The following GALNTL6 variants were observed in gnomAD, a reference collection of about 807,000 sequenced individuals.
GALNTL6 encodes polypeptide N-acetylgalactosaminyltransferase-like 6.
GALNTL6 carries 46 observed loss-of-function variants against 73.7 expected under a neutral mutation model. That is an observed-to-expected ratio of 0.62 (90% CI 0.49 to 0.80). The LOEUF is 0.80. GALNTL6 is among the 30% of genes least tolerant of loss of function. The pLI, the probability that GALNTL6 is intolerant of heterozygous loss-of-function variation, is 0.00. For synonymous variants in GALNTL6, 259 were observed against 263.7 expected (o/e 0.98, Z 0.17); for missense variants, 604 against 755.0 (o/e 0.80, Z 2.34).
Position 172,913,586 on chromosome 4 carries a change from G to A in GALNTL6, c.1042-17575G>A, listed in dbSNP as rs189721362. On this transcript the variant is annotated intron_variant, in intron 8 of 12. Coordinates refer to ENST00000506823, the MANE Select transcript of GALNTL6 (RefSeq NM_001034845.3). Reference sequence around the variant, plus strand: ...CTGAAAACCATGGCACGAGAACTACGTGACGCATGCACAAGCTTCAGTAGC... The same window carrying A: ...CTGAAAACCATGGCACGAGAACTACATGACGCATGCACAAGCTTCAGTAGC... Among the ~76,000 whole-genome samples the A allele has an allele frequency of 6.8e-3, 1,033 of 152,224 alleles. 3 individuals carry two copies. Among genetic ancestry groups the A allele is most frequent in the Non-Finnish European group, 0.011 (766 of 68,014 alleles).
At chr4:172,880,316 C>T (rs914562838) in intron 7 of GALNTL6, among the ~76,000 whole-genome samples, 4 of 152,010 alleles carry the variant, frequency 2.6e-5, no homozygotes, top group African/African-American at 9.7e-5. Context: ...GAATACTACT[C>T]TGCAATTTAA....
chr4:172,252,674 G>A (rs1737922413), intron 3 of GALNTL6, among the ~76,000 whole-genome samples: 1 of 152,080 alleles, frequency 6.6e-6, no homozygotes, highest in African/African-American at 2.4e-5. Flanking sequence ...TATCATGGAT[G>A]GAGAGCTTTT....
chr4:172,967,516 A>G (rs1329035815), intron 10 of GALNTL6, among the ~76,000 whole-genome samples: 1 of 152,084 alleles, frequency 6.6e-6, no homozygotes, highest in Non-Finnish European at 1.5e-5. Flanking sequence ...AGAATTGCAT[A>G]CAAATTTGTA....
chr4:172,050,810 G>C (rs917994634), intron 2 of GALNTL6, among the ~76,000 whole-genome samples: 4 of 152,100 alleles, frequency 2.6e-5, no homozygotes, highest in African/African-American at 4.8e-5. Context: ...GGGCCTACAG[G>C]CCAAGAGGGG....
intron 5 of GALNTL6, among the ~76,000 whole-genome samples, chr4:172,370,182 A>T (rs185405894): frequency 6.6e-6 from 1 of 152,144 alleles, no homozygotes; most frequent in Non-Finnish European, 1.5e-5. Context: ...CAGTGGGTCA[A>T]TCCTGAGGTC....
intron 4 of GALNTL6, among the ~76,000 whole-genome samples, chr4:172,325,141 A>G (rs555239854): frequency 2.1e-3 from 321 of 152,030 alleles, no homozygotes; most frequent in African/African-American, 6.9e-3. Flanking sequence ...ATTATTATCA[A>G]TTATGAAACA....
chr4:172,430,012 A>G (rs1406609720), intron 5 of GALNTL6, among the ~76,000 whole-genome samples: 1 of 152,028 alleles, frequency 6.6e-6, no homozygotes, highest in Non-Finnish European at 1.5e-5. Flanking sequence ...ATGATATTTA[A>G]TTTTATAGAA....
At chr4:172,619,332 A>G (rs1050399150) in intron 5 of GALNTL6, among the ~76,000 whole-genome samples, 5 of 152,130 alleles carry the variant, frequency 3.3e-5, no homozygotes, top group African/African-American at 1.2e-4. Flanking sequence ...ATGCAATACC[A>G]TACTAGAAAA....
At chr4:172,758,399 G>T (rs1737874151) in intron 5 of GALNTL6, among the ~76,000 whole-genome samples, 1 of 152,068 alleles carries the variant, frequency 6.6e-6, no homozygotes, top group Admixed American at 6.5e-5. Context: ...ACCCAGGCAT[G>T]GTGGCGAGCA....
chr4:172,176,631 A>T (rs1735011138), intron 2 of GALNTL6, among the ~76,000 whole-genome samples: 1 of 151,984 alleles, frequency 6.6e-6, no homozygotes, highest in Admixed American at 6.6e-5. Flanking sequence ...CTCAACAAAA[A>T]ATTAAAAATT....
chr4:172,444,088 A>T (rs985792369), intron 5 of GALNTL6, among the ~76,000 whole-genome samples: 1 of 152,172 alleles, frequency 6.6e-6, no homozygotes, highest in Non-Finnish European at 1.5e-5. Context: ...GGTAGTGGAG[A>T]TGGTGAGAGA....
chr4:172,734,182 G>A (rs796640713), intron 5 of GALNTL6, among the ~76,000 whole-genome samples: 9 of 150,912 alleles, frequency 6.0e-5, no homozygotes, highest in African/African-American at 2.2e-4. Flanking sequence ...GGTATCTGGT[G>A]GAAGAAATTT....
chr4:171,999,893 T>G (rs1740620767), intron 2 of GALNTL6, among the ~76,000 whole-genome samples: 1 of 152,188 alleles, frequency 6.6e-6, no homozygotes, highest in Non-Finnish European at 1.5e-5. Context: ...ATTACTAACA[T>G]AGCCTAACAC....
chr4:172,228,551 C>T (rs916399322), intron 2 of GALNTL6, among the ~76,000 whole-genome samples: 2 of 151,942 alleles, frequency 1.3e-5, no homozygotes, highest in African/African-American at 2.4e-5. Flanking sequence ...TTATCTAAAA[C>T]TAAGAAATAA....
At chr4:171,883,768 C>G (rs1253279913) in intron 2 of GALNTL6, among the ~76,000 whole-genome samples, 2 of 152,050 alleles carry the variant, frequency 1.3e-5, no homozygotes, top group East Asian at 3.9e-4. Flanking sequence ...CTGCCTCAGC[C>G]TCCCGAGTAG....
At chr4:172,306,681 A>G (rs1324765078) in intron 3 of GALNTL6, among the ~76,000 whole-genome samples, 1 of 152,150 alleles carries the variant, frequency 6.6e-6, no homozygotes, top group Admixed American at 6.5e-5. Context: ...TCCTCATATC[A>G]TAGCTCCCAC....
chr4:171,870,651 G>A (rs1048845717), intron 2 of GALNTL6, among the ~76,000 whole-genome samples: 1 of 152,094 alleles, frequency 6.6e-6, no homozygotes, highest in Non-Finnish European at 1.5e-5. Context: ...ATTGGAAGTA[G>A]GATCATTGTA....
At chr4:172,104,921 T>C (rs1732635447) in intron 2 of GALNTL6, among the ~76,000 whole-genome samples, 1 of 152,156 alleles carries the variant, frequency 6.6e-6, no homozygotes, top group Admixed American at 6.5e-5. Context: ...CCACAACTGA[T>C]GAATTTCATA....
chr4:172,683,851 G>A (rs1004391270), intron 5 of GALNTL6, among the ~76,000 whole-genome samples: 7 of 152,134 alleles, frequency 4.6e-5, no homozygotes, highest in Non-Finnish European at 7.4e-5. Context: ...AAACAAATAG[G>A]TGGAAGCTGG....
Sources: gnomAD v4.1 joint callset for allele counts (sites outside exome capture counted in the v4.1 genomes callset) on GRCh38, gnomAD v4.1.1 for gene constraint, MANE v1.5 for transcripts, NCBI Gene and HGNC (gene_info 2026-07-23, HGNC 2026-07-21) for gene names.